The following ABHD14A variants were observed in gnomAD, a reference collection of about 807,000 sequenced individuals.
ABHD14A encodes abhydrolase domain containing 14A.
ABHD14A carries 19 observed loss-of-function variants against 27.0 expected under a neutral mutation model. That is an observed-to-expected ratio of 0.70 (90% confidence interval 0.49 to 1.03). The LOEUF is 1.03. Among genes scored for constraint, ABHD14A ranks in the 50% least tolerant of loss-of-function variants. The pLI, the probability that ABHD14A is intolerant of heterozygous loss-of-function variation, is 0.00. For synonymous variants in ABHD14A, 148 were observed against 158.8 expected (o/e 0.93, Z 0.51); for missense variants, 311 against 344.6 (o/e 0.90, Z 0.77).
At chr3:51,979,991 G>C (rs563574858) in intron 3 of ABHD14A, among the ~76,000 whole-genome samples, 1 of 151,174 alleles carries the variant, frequency 6.6e-6, no homozygotes, top group East Asian at 2.0e-4. Context: ...GCATGATCTC[G>C]GCTCACTGCA....
Position 51,980,627 on chromosome 3 carries a change from AG to A in ABHD14A, c.633+1del. 2 of 1,612,110 alleles carry A rather than the reference AG, an allele frequency of 1.2e-6. No individual in the cohort carries two copies. The highest frequency in any genetic ancestry group is 2.2e-5 in the South Asian group (2 of 90,992). ...ACCCAGGAGCAATTCTGGGCTGTGAAGGTACTGGGAGAAGGATCTCAAAGGT... is the reference window on the plus strand; with the variant it reads ...ACCCAGGAGCAATTCTGGGCTGTGAAGTACTGGGAGAAGGATCTCAAAGGT... ...NYTQEQFWAV[K>X]TPTLILYGEL... On this transcript the variant is annotated frameshift_variant and splice_region_variant, in exon 4 of 5. Coordinates refer to ENST00000273596, the MANE Select transcript of ABHD14A (RefSeq NM_015407.5). LOFTEE classifies it high-confidence loss of function.
chr3:51,975,272 C>A, intron 1 of ABHD14A, 68 bp downstream of exon 1: 1 of 1,218,460 alleles, frequency 8.2e-7, no homozygotes, highest in Non-Finnish European at 1.0e-6. Context: ...CCGCCCCTTG[C>A]CCCGGCGCCC....
At chr3:51,979,414 A>G (rs1163920538) in intron 3 of ABHD14A, among the ~76,000 whole-genome samples, 1 of 150,516 alleles carries the variant, frequency 6.6e-6, no homozygotes, top group Non-Finnish European at 1.5e-5. Flanking sequence ...TAGGGTAGCT[A>G]CTGAGGACAA....
At position 51,980,389 on chromosome 3, in the gene ABHD14A, C is replaced by G; in HGVS notation, c.398-4C>G. The G allele has an allele frequency of 1.2e-6, 2 of 1,613,782 alleles. No homozygotes were observed. The highest frequency in any genetic ancestry group is 1.7e-6 in the Non-Finnish European group (2 of 1,179,946). On this transcript the variant is annotated splice_polypyrimidine_tract_variant and splice_region_variant and intron_variant, in intron 3 of 4. Transcript: ENST00000273596. ...CCTCAGCTGGTACCTGCTGCTGTTC[C>G]TAGGTTTTGGGAACTCGGCACCTTC...
At chr3:51,979,302 AGG>A in intron 3 of ABHD14A, among the ~76,000 whole-genome samples, 1 of 152,292 alleles carries the variant, frequency 6.6e-6, no homozygotes, top group East Asian at 1.9e-4. Context: ...AGGGATGGAC[AGG>A]CTTTATTCAG....
At chr3:51,979,489 T>G (rs962665534) in intron 3 of ABHD14A, among the ~76,000 whole-genome samples, 1 of 121,314 alleles carries the variant, frequency 8.2e-6, no homozygotes, top group Non-Finnish European at 1.6e-5. Context: ...TTGTTTTTTG[T>G]TTTTTTTTTT....
At chr3:51,975,271 GC>G (rs1158935471) in intron 1 of ABHD14A, 67 bp downstream of exon 1, 1 of 1,220,712 alleles carries the variant, frequency 8.2e-7, no homozygotes, top group Non-Finnish European at 1.0e-6. Context: ...CCCGCCCCTT[GC>G]CCCGGCGCCC....
At chr3:51,977,791 G>A in intron 1 of ABHD14A, 80 bp from the exon 2 acceptor site, 1 of 1,337,818 alleles carries the variant, frequency 7.5e-7, no homozygotes. Context: ...TGGGGACTCT[G>A]GGTGGGGTTT....
chr3:51,976,573 G>A (rs1188565613), intron 1 of ABHD14A, among the ~76,000 whole-genome samples: 1 of 152,248 alleles, frequency 6.6e-6, no homozygotes, highest in East Asian at 1.9e-4. Flanking sequence ...TATTCGGGAG[G>A]CTGAGGCAGG....
In ABHD14A at chr3:51,980,882, G is replaced by C. The variant is rs200435900; in HGVS notation, c.680G>C (p.Arg227Pro). 2.5e-6 allele frequency: 4 copies of C among 1,614,080 alleles called. No individual in the cohort carries two copies. Among genetic ancestry groups the C allele is most frequent in the Middle Eastern group, 1.6e-4 (1 of 6,062 alleles). ...GGAGAGCTGGACCACATCCTGGCTC[G>C]AGAGTCACTGCGGCAGCTCCGCCAC... ...LYGELDHILA[R>P]ESLRQLRHLP... The change falls in exon 5 of 5, where the codon CGA becomes CCA. Residue 227 changes from arginine to proline, a missense_variant. By Grantham distance (103) the Arg-to-Pro change is moderately radical. Transcript: ENST00000273596.
At chr3:51,978,108 G>A in intron 2 of ABHD14A, 26 bp downstream of exon 2, 1 of 1,603,306 alleles carries the variant, frequency 6.2e-7, no homozygotes, top group East Asian at 2.3e-5. Flanking sequence ...AGGGTCTAGT[G>A]GAGGGACTAG....
At chr3:51,977,063 C>A (rs967426380) in intron 1 of ABHD14A, among the ~76,000 whole-genome samples, 7 of 152,138 alleles carry the variant, frequency 4.6e-5, no homozygotes, top group Non-Finnish European at 7.4e-5. Context: ...CTGGGTGTAC[C>A]ATGCTCCTCC....
At chr3:51,980,657 G>T in intron 4 of ABHD14A, 29 bp downstream of exon 4, 1 of 1,603,174 alleles carries the variant, frequency 6.2e-7, no homozygotes, top group Non-Finnish European at 8.5e-7. Context: ...CAAAGGTCCT[G>T]GCACCCTGTC....
At chr3:51,977,104 T>C (rs1371688160) in intron 1 of ABHD14A, among the ~76,000 whole-genome samples, 3 of 152,186 alleles carry the variant, frequency 2.0e-5, no homozygotes, top group Admixed American at 2.0e-4. Flanking sequence ...TCCTCAGCAT[T>C]TTCCTCTATT....
At chr3:51,980,681 G>A in intron 4 of ABHD14A, 53 bp downstream of exon 4, 4 of 1,580,822 alleles carry the variant, frequency 2.5e-6, no homozygotes, top group Non-Finnish European at 1.7e-6. Context: ...GGCTTGGGGG[G>A]GTTCAGGACT....
In ABHD14A at chr3:51,975,115, C is replaced by G. The variant is rs1208093317; in HGVS notation, c.-21C>G. On this transcript the variant is annotated 5_prime_UTR_variant, in exon 1 of 5. Transcript: ENST00000273596. ...CTGGCCGCCTAGAGCCGGAGCGGCC[C>G]GCGGAGCTGCGGAGGCAGCCATGGT... The G allele has an allele frequency of 7.7e-7, 1 of 1,290,944 alleles. No homozygotes were observed. The highest frequency in any genetic ancestry group is 9.8e-7 in the Non-Finnish European group (1 of 1,019,120). The allele number at this position is 1,290,944 out of a possible 1,614,324, so 80.0% of individuals were successfully genotyped here.
chr3:51,978,681 TC>T, intron 3 of ABHD14A: 1 of 268,210 alleles, frequency 3.7e-6, no homozygotes. Flanking sequence ...AACCTCCGCC[TC>T]CCGGGTTCAA....
chr3:51,979,454 G>GA (rs1700864081), intron 3 of ABHD14A, among the ~76,000 whole-genome samples: 1 of 136,638 alleles, frequency 7.3e-6, no homozygotes, highest in Non-Finnish European at 1.6e-5. Context: ...GTTGTGTTTT[G>GA]TTTTTTTTTT....
intron 1 of ABHD14A, among the ~76,000 whole-genome samples, chr3:51,975,464 G>T (rs988555773): frequency 4.9e-5 from 7 of 142,518 alleles, no homozygotes; most frequent in Admixed American, 4.8e-4. Flanking sequence ...TTGGGGGGGG[G>T]GTGTGTTCGT....
Sources: allele counts gnomAD v4.1 joint callset (sites outside exome capture counted in the v4.1 genomes callset), GRCh38; gene constraint gnomAD v4.1.1; transcripts MANE v1.5; gene names NCBI Gene and HGNC (gene_info 2026-07-23, HGNC 2026-07-21).